FAT3: variants seen among roughly 807,000 people sequenced by gnomAD.
FAT3 encodes the protein FAT atypical cadherin 3.
Under a neutral mutation model 310.2 loss-of-function variants are expected in FAT3, and 95 were observed. The ratio of observed to expected loss-of-function variants is 0.31; its 90% CI spans 0.26 to 0.36. FAT3 has a LOEUF of 0.36. FAT3 is among the 10% of genes least tolerant of loss of function. The pLI is 1.00. For synonymous variants in FAT3, 2,314 were observed against 2,192.9 expected, an observed-to-expected ratio of 1.06 and a Z score of -1.54; for missense variants, 5,408 against 5,715.6, an observed-to-expected ratio of 0.95 and a Z score of 1.74.
chr11:92,558,270 G>A (rs912169367), intron 3 of FAT3, among the ~76,000 whole-genome samples: 7 of 151,662 alleles, frequency 4.6e-5, no homozygotes, highest in Non-Finnish European at 7.4e-5. Flanking sequence ...TGTTTATTTA[G>A]GTAAGAGGGA....
At chr11:92,484,160 G>A (rs1303614879) in intron 2 of FAT3, among the ~76,000 whole-genome samples, 5 of 152,112 alleles carry the variant, frequency 3.3e-5, no homozygotes, top group African/African-American at 7.2e-5. Context: ...CATAGGATCC[G>A]CAAATTGGCC....
At chr11:92,573,661 C>T (rs1252639518) in intron 3 of FAT3, among the ~76,000 whole-genome samples, 1 of 151,924 alleles carries the variant, frequency 6.6e-6, no homozygotes, top group African/African-American at 2.4e-5. Flanking sequence ...AGAAGAAGGC[C>T]ATGTGAAGAT....
intron 2 of FAT3, among the ~76,000 whole-genome samples, chr11:92,418,464 A>T (rs1045085570): frequency 8.2e-6 from 1 of 121,560 alleles, no homozygotes; most frequent in East Asian, 2.8e-4. Context: ...CAAAGATTTC[A>T]TCATAACAAT....
intron 2 of FAT3, chr11:92,403,484 G>A (rs1346775847): frequency 6.6e-6 from 1 of 152,186 alleles, no homozygotes; most frequent in East Asian, 1.9e-4. Context: ...AGTGCCAGGT[G>A]GATATTGCAA....
At chr11:92,579,049 A>G (rs1938643441) in intron 3 of FAT3, among the ~76,000 whole-genome samples, 1 of 152,134 alleles carries the variant, frequency 6.6e-6, no homozygotes, top group African/African-American at 2.4e-5. Context: ...CAAGATGGGT[A>G]TCTATAGTTC....
intron 1 of FAT3, among the ~76,000 whole-genome samples, chr11:92,261,450 T>G (rs1376970454): frequency 6.6e-6 from 1 of 152,102 alleles, no homozygotes; most frequent in Non-Finnish European, 1.5e-5. Context: ...TGCAGAAGGA[T>G]TGGAAACTGT....
At chr11:92,488,655 C>T (rs569414543) in intron 2 of FAT3, among the ~76,000 whole-genome samples, 14 of 152,136 alleles carry the variant, frequency 9.2e-5, no homozygotes, top group Admixed American at 3.9e-4. Flanking sequence ...CTGCCTAGAA[C>T]CATCCCCCAG....
intron 3 of FAT3, among the ~76,000 whole-genome samples, chr11:92,641,997 G>A (rs557677552): frequency 6.6e-6 from 1 of 152,358 alleles, no homozygotes; most frequent in Admixed American, 6.5e-5. Context: ...GCCGTTTGAG[G>A]AAGTCTGAAT....
At chr11:92,619,417 G>A (rs908712573) in intron 3 of FAT3, among the ~76,000 whole-genome samples, 1 of 152,136 alleles carries the variant, frequency 6.6e-6, no homozygotes, top group Non-Finnish European at 1.5e-5. Context: ...TTTTGGAAGA[G>A]TTTGTGAAGA....
chr11:92,469,361 G>A (rs1039366589), intron 2 of FAT3, among the ~76,000 whole-genome samples: 6 of 152,066 alleles, frequency 3.9e-5, no homozygotes, highest in African/African-American at 7.2e-5. Flanking sequence ...AAGCTGATTC[G>A]CCATCTGTCT....
At chr11:92,766,384 C>T (rs908646457) in intron 6 of FAT3, among the ~76,000 whole-genome samples, 1 of 152,148 alleles carries the variant, frequency 6.6e-6, no homozygotes, top group Admixed American at 6.5e-5. Context: ...ATTTCCTTCC[C>T]CATGGCACTG....
intron 2 of FAT3, among the ~76,000 whole-genome samples, chr11:92,444,467 C>T (rs562515087): frequency 7.2e-5 from 11 of 152,144 alleles, no homozygotes; most frequent in South Asian, 2.1e-4. Flanking sequence ...ATTGATAAAA[C>T]GTCTTGGACC....
intron 3 of FAT3, among the ~76,000 whole-genome samples, chr11:92,640,170 A>G (rs1338004244): frequency 2.6e-5 from 4 of 152,038 alleles, no homozygotes; most frequent in African/African-American, 4.8e-5. Flanking sequence ...GATTCTGAAG[A>G]CACAAGAGAA....
chr11:92,582,183 T>C (rs1938842150), intron 3 of FAT3, among the ~76,000 whole-genome samples: 1 of 151,984 alleles, frequency 6.6e-6, no homozygotes, highest in South Asian at 2.1e-4. Context: ...TTCGTCTTGG[T>C]GGGCTTTGGC....
At chr11:92,841,263 T>TA (rs541304951) in intron 18 of FAT3, among the ~76,000 whole-genome samples, 2 of 152,122 alleles carry the variant, frequency 1.3e-5, no homozygotes, top group African/African-American at 4.8e-5. Flanking sequence ...ACGTGGCAGG[T>TA]ATGCAGAGTA....
intron 1 of FAT3, among the ~76,000 whole-genome samples, chr11:92,328,455 G>A (rs771441054): frequency 1.1e-4 from 17 of 152,244 alleles, no homozygotes; most frequent in South Asian, 4.1e-4. Flanking sequence ...TGTAATCATC[G>A]TACAAGGTAA....
At chr11:92,416,392 AAAAAAG>A (rs1274536866) in intron 2 of FAT3, among the ~76,000 whole-genome samples, 73 of 152,056 alleles carry the variant, frequency 4.8e-4, no homozygotes, top group African/African-American at 1.7e-3. Flanking sequence ...TCAAAAAAAA[AAAAAAG>A]AAAGAAAGAA....
At position 92,798,073 on chromosome 11, in the gene FAT3, G is replaced by T; in HGVS notation, c.5060G>T (p.Gly1687Val). Residue 1687 changes from glycine (G) to valine (V), a missense_variant, in exon 10 of 28, where the codon GGA becomes GTA. Around this residue, in one of 5 missense-constraint regions of FAT3, gnomAD observed 4,588 missense variants for 4,809.8 expected, o/e 0.95. Coordinates refer to ENST00000525166, the MANE Select transcript of FAT3 (RefSeq NM_001367949.2). Reference sequence around the variant, plus strand: ...GAAGTAAATGAAAATGTTGACATTGGAACATCAGTCATTCTAATCTCTGCC... The same window carrying T: ...GAAGTAAATGAAAATGTTGACATTGTAACATCAGTCATTCTAATCTCTGCC... ...QAEVNENVDI[G>V]TSVILISAIS... is the part of the protein sequence containing the mutation. 6.2e-7 allele frequency: 1 copy of T among 1,613,812 alleles called. No individual in the cohort carries two copies. The highest frequency in any genetic ancestry group is 8.5e-7 in the Non-Finnish European group (1 of 1,179,852).
At chr11:92,398,544 CA>C (rs1949939161) in intron 2 of FAT3, among the ~76,000 whole-genome samples, 1 of 146,026 alleles carries the variant, frequency 6.8e-6, no homozygotes, top group East Asian at 2.0e-4. Flanking sequence ...TATAAGGACA[CA>C]AGTCATATTG....
Sources: gnomAD v4.1 joint callset for allele counts (sites outside exome capture counted in the v4.1 genomes callset) on GRCh38, gnomAD v4.1.1 for gene constraint, gnomAD v4.1.1 regional missense constraint, MANE v1.5 for transcripts, NCBI Gene and HGNC (gene_info 2026-07-23, HGNC 2026-07-21) for gene names.